LOXL2: variants seen among roughly 807,000 people sequenced by gnomAD.
LOXL2 encodes lysyl oxidase homolog 2.
Under a neutral mutation model 93.0 loss-of-function variants are expected in LOXL2, and 70 were observed. The observed-to-expected ratio is 0.75, with a 90% confidence interval of 0.62 to 0.92. LOXL2 has a LOEUF of 0.92. Among genes scored for constraint, LOXL2 ranks in the 40% least tolerant of loss-of-function variants. LOXL2 has a pLI of 0.00. For synonymous variants in LOXL2, 438 were observed against 413.2 expected, an observed-to-expected ratio of 1.06 and a Z score of -0.73; for missense variants, 973 against 1,054.9, an observed-to-expected ratio of 0.92 and a Z score of 1.08.
intron 2 of LOXL2, among the ~76,000 whole-genome samples, chr8:23,362,368 T>C (rs11782589): frequency 0.43 from 65,910 of 152,066 alleles, 15,740 homozygotes; most frequent in Non-Finnish European, 0.54. Context: ...TTTTGCAAAA[T>C]GGAAAAGTTC....
At chr8:23,390,048 C>G (rs1804816999) in intron 1 of LOXL2, among the ~76,000 whole-genome samples, 1 of 152,222 alleles carries the variant, frequency 6.6e-6, no homozygotes, top group African/African-American at 2.4e-5. Context: ...CTTGACATTT[C>G]TGCCAGATGC....
intron 5 of LOXL2, among the ~76,000 whole-genome samples, chr8:23,330,328 C>T (rs1031020364): frequency 1.5e-5 from 2 of 135,180 alleles, no homozygotes; most frequent in Non-Finnish European, 3.2e-5. Context: ...AGCGAGACTC[C>T]GTCTCAAAAC....
chr8:23,335,034 C>T (rs905007085), intron 4 of LOXL2, among the ~76,000 whole-genome samples: 3 of 152,120 alleles, frequency 2.0e-5, no homozygotes, highest in Admixed American at 6.5e-5. Context: ...AGGCTGCTCT[C>T]GAACTCCTGA....
chr8:23,387,445 C>CA (rs1804781575), intron 1 of LOXL2, among the ~76,000 whole-genome samples: 2 of 152,308 alleles, frequency 1.3e-5, no homozygotes, highest in Admixed American at 6.5e-5. Flanking sequence ...GGGGCCCACT[C>CA]AGACAGCCCA....
intron 1 of LOXL2, among the ~76,000 whole-genome samples, chr8:23,397,746 C>A (rs1204357180): frequency 6.7e-6 from 1 of 149,282 alleles, no homozygotes; most frequent in East Asian, 2.0e-4. Flanking sequence ...CCACTGCACT[C>A]CCAGCCTGGG....
chr8:23,387,077 C>G (rs527832370), intron 1 of LOXL2, among the ~76,000 whole-genome samples: 14 of 152,212 alleles, frequency 9.2e-5, no homozygotes, highest in Middle Eastern at 3.4e-3. Flanking sequence ...GGCAAGGTGC[C>G]GAAGGACTGA....
intron 12 of LOXL2, among the ~76,000 whole-genome samples, chr8:23,299,204 T>C (rs1232916644): frequency 6.6e-6 from 1 of 152,022 alleles, no homozygotes; most frequent in Non-Finnish European, 1.5e-5. Flanking sequence ...CTACCCAGGG[T>C]GGGCCTTCGG....
At chr8:23,324,742 T>C (rs532441292) in intron 6 of LOXL2, among the ~76,000 whole-genome samples, 22 of 152,276 alleles carry the variant, frequency 1.4e-4, no homozygotes, top group African/African-American at 5.3e-4. Flanking sequence ...TCTAACATCA[T>C]AGAGCAGTGT....
chr8:23,307,567 G>GT (rs1775409895), intron 10 of LOXL2, among the ~76,000 whole-genome samples: 1 of 152,190 alleles, frequency 6.6e-6, no homozygotes, highest in Middle Eastern at 3.2e-3. Context: ...TCCTTGGAGC[G>GT]TAAGTGTATG....
chr8:23,330,288 T>A (rs182154118), intron 5 of LOXL2, among the ~76,000 whole-genome samples: 1 of 152,172 alleles, frequency 6.6e-6, no homozygotes, highest in Non-Finnish European at 1.5e-5. Context: ...GAGCCGAGAT[T>A]GCGCCACTGC....
intron 7 of LOXL2, 145 bp downstream of exon 7, chr8:23,321,985 A>C: frequency 2.2e-6 from 2 of 913,304 alleles, no homozygotes; most frequent in East Asian, 2.4e-5. Flanking sequence ...TCGAGGGGGA[A>C]CTAAACATTG....
At chr8:23,386,740 T>C (rs1184691655) in intron 1 of LOXL2, among the ~76,000 whole-genome samples, 1 of 152,100 alleles carries the variant, frequency 6.6e-6, no homozygotes, top group South Asian at 2.1e-4. Context: ...GTCCACATCA[T>C]GGAAATTCCA....
intron 9 of LOXL2, among the ~76,000 whole-genome samples, chr8:23,313,554 C>T (rs1225304397): frequency 6.6e-6 from 1 of 152,076 alleles, no homozygotes; most frequent in Non-Finnish European, 1.5e-5. Flanking sequence ...GGAAAGGATT[C>T]CCTATTTAAT....
intron 8 of LOXL2, among the ~76,000 whole-genome samples, chr8:23,317,517 AG>A (rs2117154767): frequency 6.6e-6 from 1 of 152,352 alleles, no homozygotes; most frequent in Non-Finnish European, 1.5e-5. Flanking sequence ...TTCTCAACAC[AG>A]TGCTCCAGGA....
Position 23,297,634 on chromosome 8 carries a change from CCT to C in LOXL2, c.*407_*408del. On this transcript the variant is annotated 3_prime_UTR_variant, in exon 14 of 14. Coordinates refer to ENST00000389131, the MANE Select transcript of LOXL2 (RefSeq NM_002318.3). The stretch of plus-strand genomic sequence containing the variant: ...GAGGAGAAATGGGGTTCGGCCTGAC[CCT>C]CTCTGGGGGGGCTGATGAGCCCGCA... 1 of 169,284 alleles carries C rather than the reference CCT, an allele frequency of 5.9e-6. No individual in the cohort carries two copies. Among genetic ancestry groups the C allele is most frequent in the Non-Finnish European group, 1.3e-5 (1 of 79,332 alleles). The allele number at this position is 169,284 out of a possible 1,614,324, so 10.5% of individuals were successfully genotyped here.
At chr8:23,376,267 C>T (rs1804587984) in intron 1 of LOXL2, among the ~76,000 whole-genome samples, 1 of 151,910 alleles carries the variant, frequency 6.6e-6, no homozygotes, top group South Asian at 2.1e-4. Flanking sequence ...GTTGAACCAG[C>T]CTTGCATCCC....
chr8:23,381,110 A>G (rs1272665279), intron 1 of LOXL2, among the ~76,000 whole-genome samples: 1 of 124,464 alleles, frequency 8.0e-6, no homozygotes, highest in Non-Finnish European at 1.7e-5. Flanking sequence ...TTTTTTTTGT[A>G]CACATTTCCT....
intron 9 of LOXL2, among the ~76,000 whole-genome samples, chr8:23,315,970 G>A (rs1022134383): frequency 2.0e-5 from 3 of 152,182 alleles, no homozygotes; most frequent in Non-Finnish European, 2.9e-5. Flanking sequence ...GCTTTCCCCC[G>A]GGGAGCTGGT....
At chr8:23,317,780 C>G (rs924802126) in intron 8 of LOXL2, among the ~76,000 whole-genome samples, 4 of 152,110 alleles carry the variant, frequency 2.6e-5, no homozygotes, top group African/African-American at 9.7e-5. Context: ...AGAGAAGTTT[C>G]CAGCAGAGAA....
Sources: gnomAD v4.1 joint callset for allele counts (sites outside exome capture counted in the v4.1 genomes callset) on GRCh38, gnomAD v4.1.1 for gene constraint, MANE v1.5 for transcripts, NCBI Gene and HGNC (gene_info 2026-07-23, HGNC 2026-07-21) for gene names.